Variants in AOPEP observed in about 807,000 individuals in gnomAD.
AOPEP encodes aminopeptidase O (putative).
Under a neutral mutation model 98.1 loss-of-function variants are expected in AOPEP, and 77 were observed. The observed-to-expected ratio is 0.78, with a 90% CI of 0.65 to 0.95. The LOEUF (loss-of-function observed/expected upper bound fraction) is 0.95, where lower values mean the gene tolerates loss of function less well. AOPEP is among the 40% of genes least tolerant of loss of function. The probability of loss-of-function intolerance (pLI) is 0.00; values close to 1 mark genes in which losing one functional copy is unlikely to be tolerated. For missense variants in AOPEP, 1,024 were observed against 1,024.7 expected, an observed-to-expected ratio of 1.00 and a Z score of 0.01; for synonymous variants, 346 against 365.3, an observed-to-expected ratio of 0.95 and a Z score of 0.60.
chr9:95,139,675 G>A, the AOPEP span, among the ~76,000 whole-genome samples: 1 of 151,634 alleles, frequency 6.6e-6, no homozygotes, highest in African/African-American at 2.4e-5. Flanking sequence ...CTTTTGTTTT[G>A]ACAATGAGCA....
Position 95,021,058 on chromosome 9 carries a change from T to C in AOPEP, c.2115+15442T>C, listed in dbSNP as rs1316786924. Among the ~76,000 whole-genome samples, 8 of 152,304 alleles carry C rather than the reference T, an allele frequency of 5.3e-5. No individual in the cohort carries two copies. In the East Asian group the frequency reaches 1.3e-3, roughly 26 times the overall value. On this transcript the variant is annotated intron_variant, in intron 13 of 16. Coordinates refer to ENST00000375315, the MANE Select transcript of AOPEP (RefSeq NM_001193329.3). ...AAATATATATGTTAGTATTGTTTTCTAAAATGCAAAGCTGATTTTCATGTT... is the reference window on the plus strand; with the variant it reads ...AAATATATATGTTAGTATTGTTTTCCAAAATGCAAAGCTGATTTTCATGTT...
At chr9:95,135,932 G>C in the AOPEP span, among the ~76,000 whole-genome samples, 6 of 152,200 alleles carry the variant, frequency 3.9e-5, no homozygotes, top group African/African-American at 1.2e-4. Flanking sequence ...CTAACTGTAT[G>C]ATCTCAGAGA....
chr9:94,929,596 G>T (rs1398629491), intron 7 of AOPEP, among the ~76,000 whole-genome samples: 2 of 152,270 alleles, frequency 1.3e-5, no homozygotes, highest in Non-Finnish European at 2.9e-5. Context: ...AGTGGAGCGG[G>T]CCAGGAGCCA....
chr9:95,100,978 G>A, the AOPEP span: 3 of 232,200 alleles, frequency 1.3e-5, no homozygotes, highest in African/African-American at 4.5e-5. Flanking sequence ...CATTTAACAA[G>A]AGAACTAACT....
At chr9:94,944,742 T>C (rs2057426384) in intron 7 of AOPEP, among the ~76,000 whole-genome samples, 2 of 151,956 alleles carry the variant, frequency 1.3e-5, no homozygotes, top group African/African-American at 4.8e-5. Flanking sequence ...GGAAGGAGAT[T>C]GGGGAGTGAC....
intron 11 of AOPEP, among the ~76,000 whole-genome samples, chr9:94,996,391 T>TGAGAGA (rs1554797226): frequency 1.0e-4 from 15 of 144,556 alleles, no homozygotes; most frequent in African/African-American, 3.9e-4. Context: ...TGTGTGTGTG[T>TGAGAGA]GAGAGAGAGA....
intron 13 of AOPEP, among the ~76,000 whole-genome samples, chr9:95,055,725 A>G (rs764919369): frequency 2.0e-5 from 3 of 152,184 alleles, no homozygotes; most frequent in Non-Finnish European, 2.9e-5. Flanking sequence ...ATTTTATGTC[A>G]GTGGGATCAC....
intron 11 of AOPEP, among the ~76,000 whole-genome samples, chr9:94,999,158 A>C (rs192867074): frequency 9.9e-5 from 15 of 152,256 alleles, no homozygotes; most frequent in Admixed American, 7.8e-4. Context: ...AAAAAACCCC[A>C]AAAAACCCAG....
At chr9:94,960,122 G>T (rs2058716986) in intron 9 of AOPEP, among the ~76,000 whole-genome samples, 1 of 152,112 alleles carries the variant, frequency 6.6e-6, no homozygotes, top group South Asian at 2.1e-4. Context: ...TGTAAAAGAT[G>T]AGGAATTGGC....
At chr9:95,105,055 C>T in the AOPEP span, among the ~76,000 whole-genome samples, 6 of 152,362 alleles carry the variant, frequency 3.9e-5, no homozygotes, top group South Asian at 1.0e-3. Context: ...AAAGCATTCT[C>T]GCTGTGCTGG....
At chr9:94,825,522 A>G (rs1216710181) in intron 5 of AOPEP, among the ~76,000 whole-genome samples, 4 of 152,238 alleles carry the variant, frequency 2.6e-5, no homozygotes, top group Non-Finnish European at 5.9e-5. Flanking sequence ...AGTCGTTTTA[A>G]ATAAGTGAAG....
intron 1 of AOPEP, among the ~76,000 whole-genome samples, chr9:94,742,712 C>A (rs895000563): frequency 1.1e-4 from 16 of 152,164 alleles, no homozygotes; most frequent in African/African-American, 3.9e-4. Flanking sequence ...GGATTACAGA[C>A]GTGAGCCACT....
the AOPEP span, among the ~76,000 whole-genome samples, chr9:95,119,878 A>C: frequency 6.6e-6 from 1 of 151,922 alleles, no homozygotes; most frequent in Non-Finnish European, 1.5e-5. Flanking sequence ...CGTTCAGCTA[A>C]ATTTTGTATT....
At position 94,928,547 on chromosome 9, in the gene AOPEP, G is replaced by A; in HGVS notation, c.1661+16G>A. On this transcript the variant is annotated intron_variant, in intron 7 of 16. Transcript: ENST00000375315. ...AGGTGTTAAGGTAAAGCTGCATGGT[G>A]ATCCACAGCCCTCTCATTCCCCTCC... 6.6e-7 allele frequency: 1 copy of A among 1,514,140 alleles called. No individual in the cohort carries two copies. Among genetic ancestry groups the A allele is most frequent in the South Asian group, 1.2e-5 (1 of 83,320 alleles). 93.8% of individuals were successfully genotyped at this position (1,514,140 alleles called of 1,614,324 possible). A position where few individuals can be genotyped will look rare whatever the true frequency, so the allele number is the denominator to read the frequency against.
intron 7 of AOPEP, among the ~76,000 whole-genome samples, chr9:94,953,431 G>A (rs139124258): frequency 1.3e-5 from 2 of 152,284 alleles, no homozygotes; most frequent in African/African-American, 4.8e-5. Flanking sequence ...ATGTCCCAGA[G>A]TATTCAGCTA....
chr9:94,807,757 C>T (rs1004293803), intron 5 of AOPEP, among the ~76,000 whole-genome samples: 1 of 152,240 alleles, frequency 6.6e-6, no homozygotes, highest in African/African-American at 2.4e-5. Flanking sequence ...TGAGCAAATA[C>T]TACCAGCTTC....
chr9:95,099,066 T>A, the AOPEP span: 1 of 186,998 alleles, frequency 5.3e-6, no homozygotes, highest in African/African-American at 2.3e-5. Flanking sequence ...AGGTGCAAAC[T>A]GAAGTTTTAT....
chr9:95,148,801 C>T, the AOPEP span, among the ~76,000 whole-genome samples: 2 of 152,328 alleles, frequency 1.3e-5, no homozygotes, highest in Admixed American at 6.5e-5. Flanking sequence ...AGTTAACTGA[C>T]ATAATTTCAG....
At chr9:94,946,639 C>T (rs1322919734) in intron 7 of AOPEP, among the ~76,000 whole-genome samples, 6 of 152,206 alleles carry the variant, frequency 3.9e-5, no homozygotes, top group Admixed American at 2.0e-4. Context: ...GCACAGAATG[C>T]GCCTTGCTCC....
Sources: allele counts gnomAD v4.1 joint callset (sites outside exome capture counted in the v4.1 genomes callset), GRCh38; gene constraint gnomAD v4.1.1; transcripts MANE v1.5; gene names NCBI Gene and HGNC (gene_info 2026-07-23, HGNC 2026-07-21).